Variants in UNC13B observed in about 807,000 individuals in gnomAD.
The protein encoded by UNC13B is unc-13 homolog B.
A neutral mutation model predicts 211.0 loss-of-function variants in UNC13B; 144 were observed. The ratio of observed to expected loss-of-function variants is 0.68; its 90% CI spans 0.60 to 0.78. The LOEUF (loss-of-function observed/expected upper bound fraction) is 0.78. Among genes scored for constraint, UNC13B ranks in the 30% least tolerant of loss-of-function variants. The pLI, the probability that UNC13B is intolerant of heterozygous loss-of-function variation, is 0.00. For synonymous variants in UNC13B, 709 were observed against 725.8 expected (o/e 0.98, Z 0.37); for missense variants, 1,777 against 2,002.0 (o/e 0.89, Z 2.14).
chr9:35,218,831 C>G (rs1278310742), intron 1 of UNC13B, among the ~76,000 whole-genome samples: 1 of 151,838 alleles, frequency 6.6e-6, no homozygotes, highest in Non-Finnish European at 1.5e-5. Context: ...CTCACTGCAG[C>G]CTCTGCTTCC....
chr9:35,294,468 G>A (rs1187731050), intron 7 of UNC13B, among the ~76,000 whole-genome samples: 2 of 152,056 alleles, frequency 1.3e-5, no homozygotes, highest in African/African-American at 4.8e-5. Context: ...CATCATGCCC[G>A]GCTAATTTTT....
chr9:35,322,968 A>G (rs541326817), intron 11 of UNC13B, among the ~76,000 whole-genome samples: 1 of 152,058 alleles, frequency 6.6e-6, no homozygotes, highest in East Asian at 1.9e-4. Context: ...TGAATAAGTA[A>G]TAAATGTAAA....
chr9:35,286,084 C>T (rs1273475987), intron 7 of UNC13B, among the ~76,000 whole-genome samples: 1 of 151,920 alleles, frequency 6.6e-6, no homozygotes, highest in Non-Finnish European at 1.5e-5. Flanking sequence ...GGTCTTTGTC[C>T]CTGGTTCCTG....
chr9:35,395,519 C>G (rs1366210126), intron 26 of UNC13B, among the ~76,000 whole-genome samples: 1 of 152,224 alleles, frequency 6.6e-6, no homozygotes, highest in Non-Finnish European at 1.5e-5. Context: ...CAAAGTTGAG[C>G]AACAAAGTCC....
chr9:35,402,368 G>A (rs1026615622), intron 37 of UNC13B, among the ~76,000 whole-genome samples: 3 of 148,738 alleles, frequency 2.0e-5, no homozygotes, highest in Non-Finnish European at 4.4e-5. Flanking sequence ...TGCAAGCTCC[G>A]CCTCCCAGGT....
chr9:35,228,932 T>G (rs1825036355), intron 2 of UNC13B, among the ~76,000 whole-genome samples: 1 of 152,188 alleles, frequency 6.6e-6, no homozygotes. Flanking sequence ...AATGTGTCTA[T>G]GTACTAGATT....
At chr9:35,173,479 G>A (rs1240154835) in intron 1 of UNC13B, among the ~76,000 whole-genome samples, 1 of 150,576 alleles carries the variant, frequency 6.6e-6, no homozygotes, top group African/African-American at 2.4e-5. Context: ...GCTGGAGTGC[G>A]GTGGTGCTAT....
rs1425404639 is a variant in UNC13B at position 35,403,099 on chromosome 9, C to T, written c.12485-68C>T. On this transcript the variant is annotated intron_variant, in intron 37 of 39. Transcript: ENST00000635942. ...TTGCTTTTGGGTATAGGGTGGTGAC[C>T]TCCTCACCCCTCAGGTTTACCTCCT... is the stretch of plus-strand genomic sequence containing the variant. 4 of 1,475,928 alleles carry T rather than the reference C, an allele frequency of 2.7e-6. No individual in the cohort carries two copies. The East Asian group carries it at 6.9e-5, about 25-fold the overall frequency. The allele number at this position is 1,475,928 out of a possible 1,614,324, so 91.4% of individuals were successfully genotyped here. A position where few individuals can be genotyped will look rare whatever the true frequency, so the allele number is the denominator to read the frequency against.
chr9:35,352,687 T>C lies in UNC13B; in HGVS notation c.9415-14260T>C, dbSNP rs1832791262. The C allele has an allele frequency of 2.4e-6, 3 of 1,232,118 alleles. No homozygotes were observed. In the African/African-American group the frequency reaches 4.6e-5, roughly 19 times the overall value. The allele number at this position is 1,232,118 out of a possible 1,614,324, so 76.3% of individuals were successfully genotyped here. ...AGAACAATTTATCAAAGGAAAGTGATGTGCCCAAGCTAGGGGATGAAATAA... is the reference window on the plus strand; with the variant it reads ...AGAACAATTTATCAAAGGAAAGTGACGTGCCCAAGCTAGGGGATGAAATAA... On this transcript the variant is annotated intron_variant, in intron 11 of 39. Transcript: ENST00000635942.
chr9:35,397,448 G>A (rs1835959451), intron 29 of UNC13B, 138 bp downstream of exon 29: 1 of 1,416,464 alleles, frequency 7.1e-7, no homozygotes, highest in Non-Finnish European at 9.7e-7. Flanking sequence ...GCTGGTTTCT[G>A]GGGCAGACAG....
At chr9:35,218,810 T>G (rs1824405586) in intron 1 of UNC13B, among the ~76,000 whole-genome samples, 1 of 151,838 alleles carries the variant, frequency 6.6e-6, no homozygotes, top group Non-Finnish European at 1.5e-5. Flanking sequence ...AGTGCAATGG[T>G]GCAATCTTGG....
intron 12 of UNC13B, among the ~76,000 whole-genome samples, chr9:35,368,839 A>G (rs1293166219): frequency 6.6e-6 from 1 of 151,970 alleles, no homozygotes; most frequent in East Asian, 1.9e-4. Context: ...TTGCCTTAAG[A>G]GATACATATT....
chr9:35,225,301 C>G (rs1328034087), intron 1 of UNC13B, among the ~76,000 whole-genome samples: 1 of 152,084 alleles, frequency 6.6e-6, no homozygotes, highest in Non-Finnish European at 1.5e-5. Context: ...GCTAGGATGA[C>G]AGGCATGTGC....
chr9:35,264,839 A>G (rs767725332), intron 7 of UNC13B, among the ~76,000 whole-genome samples: 46 of 152,322 alleles, frequency 3.0e-4, no homozygotes, highest in African/African-American at 1.0e-3. Context: ...GGACTTGCTT[A>G]GGACCTGTCA....
intron 13 of UNC13B, among the ~76,000 whole-genome samples, chr9:35,371,170 A>G (rs1834093090): frequency 6.6e-6 from 1 of 151,454 alleles, no homozygotes; most frequent in South Asian, 2.1e-4. Context: ...TCTCTATTCT[A>G]TCTATTGTTT....
At chr9:35,259,799 G>A (rs967155577) in intron 7 of UNC13B, among the ~76,000 whole-genome samples, 1 of 146,656 alleles carries the variant, frequency 6.8e-6, no homozygotes, top group African/African-American at 2.5e-5. Flanking sequence ...GGGGATGCGG[G>A]GGGGGGGGAT....
intron 6 of UNC13B, among the ~76,000 whole-genome samples, chr9:35,245,117 C>G (rs1038310863): frequency 1.3e-5 from 2 of 152,130 alleles, no homozygotes; most frequent in Non-Finnish European, 2.9e-5. Flanking sequence ...TGGTATTCAG[C>G]CTTTCAGACT....
intron 11 of UNC13B, chr9:35,352,955 T>C: frequency 1.6e-6 from 2 of 1,232,186 alleles, no homozygotes; most frequent in Non-Finnish European, 2.0e-6. Context: ...CCTGTCATTG[T>C]CTGGGTTACT....
At chr9:35,251,253 C>G (rs113986819) in intron 6 of UNC13B, among the ~76,000 whole-genome samples, 2 of 152,098 alleles carry the variant, frequency 1.3e-5, no homozygotes, top group South Asian at 4.2e-4. Context: ...CGTGAGTCAC[C>G]GCGCCCGGCC....
Sources: gnomAD v4.1 joint callset for allele counts (sites outside exome capture counted in the v4.1 genomes callset) on GRCh38, gnomAD v4.1.1 for gene constraint, MANE v1.5 for transcripts, NCBI Gene and HGNC (gene_info 2026-07-23, HGNC 2026-07-21) for gene names.